Variants in SLC13A4 observed in about 807,000 individuals in gnomAD.
SLC13A4 encodes solute carrier family 13 member 4.
SLC13A4 carries 28 observed loss-of-function variants against 72.7 expected under a neutral mutation model. The ratio of observed to expected loss-of-function variants is 0.39; its 90% CI spans 0.29 to 0.53. SLC13A4 has a LOEUF of 0.53. Ranked by LOEUF, SLC13A4 falls within the 20% of genes least tolerant of loss-of-function variation. The pLI is 0.78. For synonymous variants in SLC13A4, 312 were observed against 325.5 expected (o/e 0.96, Z 0.45); for missense variants, 653 against 788.0 (o/e 0.83, Z 2.05).
chr7:135,710,686 G>C (rs1356382664), intron 2 of SLC13A4, among the ~76,000 whole-genome samples: 2 of 152,174 alleles, frequency 1.3e-5, no homozygotes, highest in Non-Finnish European at 2.9e-5. Context: ...GAAACACTTT[G>C]ATAACATCAA....
At chr7:135,709,317 ACT>A (rs1401394433) in intron 2 of SLC13A4, among the ~76,000 whole-genome samples, 1 of 147,216 alleles carries the variant, frequency 6.8e-6, no homozygotes, top group Non-Finnish European at 1.5e-5. Context: ...ATACCTATAC[ACT>A]CTTTTTTTTT....
chr7:135,727,503 TC>T lies in SLC13A4; in HGVS notation c.-8del. On this transcript the variant is annotated 5_prime_UTR_variant, in exon 1 of 16. Transcript: ENST00000682651. The stretch of plus-strand genomic sequence containing the variant: ...GGCCCTGCAGCAGGCCCATCGCGCC[TC>T]TGTCCTCTCCAGCTCGTCCTTGGAC... 1 of 1,549,320 alleles carries T rather than the reference TC, an allele frequency of 6.5e-7. No individual in the cohort carries two copies. The highest frequency in any genetic ancestry group is 8.7e-7 in the Non-Finnish European group (1 of 1,145,892).
Position 135,701,757 on chromosome 7 carries a change from G to C in SLC13A4, c.637C>G (p.Leu213Val). Residue 213 changes from leucine to valine, a missense_variant, in exon 7 of 16, where the codon CTG (leucine) becomes GTG (valine). Coordinates refer to ENST00000682651, the MANE Select transcript of SLC13A4 (RefSeq NM_001318192.2). ...TTGGTGATCGAGGGCACACCATTCA[G>C]GTTCTGTTGGGACAAAGGCCATCTC... is the stretch of plus-strand genomic sequence containing the variant. Reference protein sequence around the residue: ...DLTTLMHNENLNGVPSITNPI... With the variant: ...DLTTLMHNENVNGVPSITNPI... 6.2e-7 allele frequency: 1 copy of C among 1,613,570 alleles called. No homozygotes were observed. Among genetic ancestry groups the C allele is most frequent in the Non-Finnish European group, 8.5e-7 (1 of 1,179,760 alleles).
chr7:135,698,841 G>A (rs1407730620), intron 8 of SLC13A4, among the ~76,000 whole-genome samples: 1 of 151,862 alleles, frequency 6.6e-6, no homozygotes, highest in Non-Finnish European at 1.5e-5. Flanking sequence ...CACCATGTTG[G>A]TCAGGCTGGT....
intron 2 of SLC13A4, among the ~76,000 whole-genome samples, chr7:135,713,273 C>T (rs1239574799): frequency 1.3e-5 from 2 of 152,142 alleles, no homozygotes; most frequent in Non-Finnish European, 2.9e-5. Context: ...TTCTGCTTTT[C>T]TGCTCTGTGG....
chr7:135,726,345 T>G (rs1796656107), intron 1 of SLC13A4, among the ~76,000 whole-genome samples: 1 of 152,202 alleles, frequency 6.6e-6, no homozygotes, highest in South Asian at 2.1e-4. Flanking sequence ...ATTTATTCTA[T>G]GAAAGATTTA....
At chr7:135,715,370 T>G (rs988449457) in intron 2 of SLC13A4, among the ~76,000 whole-genome samples, 1 of 91,104 alleles carries the variant, frequency 1.1e-5, no homozygotes, top group African/African-American at 4.9e-5. Flanking sequence ...TGTATGTGTA[T>G]GAGTGTGTGA....
chr7:135,681,419 C>T lies in SLC13A4; in HGVS notation c.*144G>A, dbSNP rs1468881819. The T allele has an allele frequency of 2.0e-5, 20 of 978,650 alleles. No individual in the cohort carries two copies. The highest frequency in any genetic ancestry group is 1.2e-4 in the South Asian group (6 of 49,114). The allele number at this position is 978,650 out of a possible 1,614,324, so 60.6% of individuals were successfully genotyped here. A position where few individuals can be genotyped will look rare whatever the true frequency, so the allele number is the denominator to read the frequency against. On this transcript the variant is annotated 3_prime_UTR_variant, in exon 16 of 16. Transcript: ENST00000682651. ...GATTCCTGCAGTTCACTTGAGGTGG[C>T]GGAATCTTCTGGTGGAGGGATGCCC...
At chr7:135,708,302 C>T in intron 2 of SLC13A4, 52 bp from the exon 3 acceptor site, 4 of 1,608,290 alleles carry the variant, frequency 2.5e-6, no homozygotes, top group Non-Finnish European at 3.4e-6. Context: ...AGACCCAGGG[C>T]CCAGCACCAG....
In SLC13A4 at chr7:135,695,387, A is replaced by G. The variant is rs1252573655; in HGVS notation, c.1000T>C (p.Trp334Arg). Residue 334 changes from tryptophan to arginine, a missense_variant, in exon 9 of 16, where the codon TGG becomes CGG. Trp to Arg is a moderately radical substitution (Grantham distance 101). Coordinates refer to ENST00000682651, the MANE Select transcript of SLC13A4 (RefSeq NM_001318192.2). ...ACTCACTTGCAGCCCAGGAACAGCCAGTGCATCCAGAACCAGCTGACCACC... is the reference window on the plus strand; with the variant it reads ...ACTCACTTGCAGCCCAGGAACAGCCGGTGCATCCAGAACCAGCTGACCACC... ...MLVVSWFWMHWLFLGCNFKET... is the reference protein window; with the variant it reads ...MLVVSWFWMHRLFLGCNFKET... The G allele has an allele frequency of 6.2e-7, 1 of 1,614,134 alleles. No homozygotes were observed. Among genetic ancestry groups the G allele is most frequent in the Non-Finnish European group, 8.5e-7 (1 of 1,179,976 alleles).
chr7:135,708,493 T>A (rs1324565406), intron 2 of SLC13A4, among the ~76,000 whole-genome samples: 1 of 152,218 alleles, frequency 6.6e-6, no homozygotes, highest in Non-Finnish European at 1.5e-5. Context: ...ATCTGGCCCA[T>A]AACTCTATAG....
intron 10 of SLC13A4, chr7:135,692,665 T>G (rs905707778): frequency 6.4e-6 from 3 of 466,116 alleles, no homozygotes; most frequent in Non-Finnish European, 1.1e-5. Flanking sequence ...AACACAGCAC[T>G]GTACATTTGT....
At chr7:135,695,300 G>T in intron 9 of SLC13A4, 68 bp downstream of exon 9, 1 of 1,601,298 alleles carries the variant, frequency 6.2e-7, no homozygotes, top group South Asian at 1.1e-5. Context: ...GCCATCCAGG[G>T]CCCATGCCAT....
chr7:135,702,951 T>A, intron 5 of SLC13A4, 67 bp from the exon 6 acceptor site: 2 of 1,188,496 alleles, frequency 1.7e-6, no homozygotes, highest in East Asian at 4.7e-5. Flanking sequence ...GAGGTCCCCC[T>A]GCATCAGGCG....
rs1361715754 is a variant in SLC13A4, at chr7:135,701,709, G to A, written c.685C>T (p.His229Tyr). Residue 229 changes from histidine to tyrosine, a missense_variant, in exon 7 of 16, where the codon CAC becomes TAC. His to Tyr is a moderately conservative substitution (Grantham distance 83). Transcript: ENST00000682651. ...ITNPIKTANQ[H>Y]QGKKQHPSQE... ...GATGGGTGTTGCTTCTTGCCCTGGTGTTGGTTTGCAGTTTTGATGGGGTTG... is the reference window on the plus strand; with the variant it reads ...GATGGGTGTTGCTTCTTGCCCTGGTATTGGTTTGCAGTTTTGATGGGGTTG... 23 of 1,613,748 alleles carry A rather than the reference G, an allele frequency of 1.4e-5. No homozygotes were observed. Among genetic ancestry groups the A allele is most frequent in the Non-Finnish European group, 1.9e-5 (22 of 1,179,834 alleles).
chr7:135,711,031 C>A (rs913816114), intron 2 of SLC13A4, among the ~76,000 whole-genome samples: 10 of 152,084 alleles, frequency 6.6e-5, no homozygotes, highest in Non-Finnish European at 1.3e-4. Context: ...CTAGCGGGAG[C>A]AGGAGGCACT....
chr7:135,719,328 G>T (rs1267578444), intron 2 of SLC13A4, among the ~76,000 whole-genome samples: 2 of 152,206 alleles, frequency 1.3e-5, no homozygotes, highest in Non-Finnish European at 2.9e-5. Context: ...AAGGCATGCT[G>T]TTGGCTTTTG....
chr7:135,720,554 T>TAAAAA (rs33993859), intron 2 of SLC13A4, among the ~76,000 whole-genome samples: 5 of 124,244 alleles, frequency 4.0e-5, no homozygotes, highest in African/African-American at 1.6e-4. Context: ...GCTTTTTCAT[T>TAAAAA]AAAAAAAAAA....
In SLC13A4 at chr7:135,727,827, A is replaced by G; in HGVS notation, c.-331T>C. 2 of 271,974 alleles carry G rather than the reference A, an allele frequency of 7.4e-6. No homozygotes were observed. The highest frequency in any genetic ancestry group is 1.4e-5 in the Non-Finnish European group (2 of 145,712). The allele number at this position is 271,974 out of a possible 1,614,324, so 16.8% of individuals were successfully genotyped here. A position where few individuals can be genotyped will look rare whatever the true frequency, so the allele number is the denominator to read the frequency against. ...GTAACTTCATTCTAGGTGTCAGCAG[A>G]AACCCCCTTAATCCTTTAAGCCACA... On this transcript the variant is annotated 5_prime_UTR_variant, in exon 1 of 16. Coordinates refer to ENST00000682651, the MANE Select transcript of SLC13A4 (RefSeq NM_001318192.2).
Sources: allele counts gnomAD v4.1 joint callset (sites outside exome capture counted in the v4.1 genomes callset), GRCh38; gene constraint gnomAD v4.1.1; transcripts MANE v1.5; gene names NCBI Gene and HGNC (gene_info 2026-07-23, HGNC 2026-07-21).